The following ARMC9 variants were observed in gnomAD, a reference collection of about 807,000 sequenced individuals.
ARMC9 encodes the protein lisH domain-containing protein ARMC9.
In ARMC9, 94 loss-of-function variants were observed where a neutral mutation model predicts 107.0. That is an observed-to-expected ratio of 0.88 (90% CI 0.74 to 1.04). The LOEUF (loss-of-function observed/expected upper bound fraction) is 1.04, where lower values mean the gene tolerates loss of function less well. Among genes scored for constraint, ARMC9 ranks in the 50% least tolerant of loss-of-function variants. The probability of loss-of-function intolerance (pLI) is 0.00; values close to 1 mark genes in which losing one functional copy is unlikely to be tolerated. For missense variants in ARMC9, 942 were observed against 1,030.1 expected (o/e 0.91, Z 1.17); for synonymous variants, 380 against 396.9 (o/e 0.96, Z 0.51).
chr2:231,301,781 C>CCGAA (rs1408273509), intron 19 of ARMC9, among the ~76,000 whole-genome samples: 1 of 152,068 alleles, frequency 6.6e-6, no homozygotes, highest in South Asian at 2.1e-4. Context: ...GAGTTCAAGA[C>CCGAA]CACCCTGGCC....
Position 231,332,105 on chromosome 2 carries a change from T to C in ARMC9, c.1878+208T>C, listed in dbSNP as rs567432484. ...TGTCACAAGTAGACAGGTGTACGGA[T>C]TGGGGAAAGATATAACTAGAAGGCA... On this transcript the variant is annotated intron_variant, in intron 20 of 24. Transcript: ENST00000611582. Among the ~76,000 whole-genome samples, 15 of 152,284 alleles carry C rather than the reference T, an allele frequency of 9.9e-5. No homozygotes were observed. In the East Asian group the frequency reaches 2.3e-3, roughly 24 times the overall value.
chr2:231,332,191 A>G (rs772412324), intron 20 of ARMC9, among the ~76,000 whole-genome samples: 41 of 152,334 alleles, frequency 2.7e-4, no homozygotes, highest in South Asian at 2.5e-3. Flanking sequence ...ATTGCCTACC[A>G]TCCCACTTTT....
At chr2:231,340,431 T>C (rs1336228913) in intron 20 of ARMC9, among the ~76,000 whole-genome samples, 2 of 152,240 alleles carry the variant, frequency 1.3e-5, no homozygotes, top group African/African-American at 4.8e-5. Flanking sequence ...CTGCCACCCC[T>C]TAACTGTAAC....
intron 11 of ARMC9, among the ~76,000 whole-genome samples, chr2:231,261,903 A>G (rs1574848927): frequency 6.6e-6 from 1 of 150,850 alleles, no homozygotes; most frequent in Non-Finnish European, 1.5e-5. Context: ...GCTCACTGCA[A>G]CCTCCGACTC....
chr2:231,227,355 G>A (rs2034743952), intron 7 of ARMC9, among the ~76,000 whole-genome samples: 1 of 152,198 alleles, frequency 6.6e-6, no homozygotes, highest in Non-Finnish European at 1.5e-5. Flanking sequence ...ATATGAAGTT[G>A]GTGGCCCCAG....
intron 20 of ARMC9, among the ~76,000 whole-genome samples, chr2:231,335,376 G>A (rs182214973): frequency 6.6e-6 from 1 of 152,296 alleles, no homozygotes; most frequent in East Asian, 1.9e-4. Context: ...TAAGGGTGGA[G>A]GTGCGACTGG....
At chr2:231,363,252 T>C (rs895218919) in intron 23 of ARMC9, among the ~76,000 whole-genome samples, 5 of 152,218 alleles carry the variant, frequency 3.3e-5, no homozygotes, top group Admixed American at 2.6e-4. Context: ...AGAGTGGTTC[T>C]CTATGTGGCT....
At chr2:231,263,447 T>C (rs533047134) in intron 12 of ARMC9, among the ~76,000 whole-genome samples, 2 of 152,284 alleles carry the variant, frequency 1.3e-5, no homozygotes, top group Admixed American at 1.3e-4. Flanking sequence ...AGTCAGAGAA[T>C]GGGGGTCGAA....
At chr2:231,314,066 C>CTTTTTTTTT (rs1302812868) in intron 19 of ARMC9, among the ~76,000 whole-genome samples, 1 of 131,494 alleles carries the variant, frequency 7.6e-6, no homozygotes, top group African/African-American at 2.8e-5. Context: ...GCCATCTTTT[C>CTTTTTTTTT]TTTTTTTTTT....
At chr2:231,301,185 CTTG>C (rs2041703899) in intron 19 of ARMC9, among the ~76,000 whole-genome samples, 1 of 152,170 alleles carries the variant, frequency 6.6e-6, no homozygotes, top group Admixed American at 6.5e-5. Context: ...GCCTTTTTCT[CTTG>C]TTAATGTTTC....
intron 17 of ARMC9, among the ~76,000 whole-genome samples, chr2:231,286,556 T>C (rs1030208319): frequency 6.6e-6 from 1 of 152,230 alleles, no homozygotes; most frequent in Non-Finnish European, 1.5e-5. Flanking sequence ...GCTCTATGCA[T>C]GACAATGCTC....
intron 17 of ARMC9, among the ~76,000 whole-genome samples, chr2:231,285,658 G>A (rs2040539116): frequency 6.9e-6 from 1 of 145,514 alleles, no homozygotes; most frequent in Non-Finnish European, 1.5e-5. Context: ...AAAAAAAAAA[G>A]ACGTAAGTAG....
chr2:231,361,085 A>G (rs1032530066), intron 23 of ARMC9, among the ~76,000 whole-genome samples: 1 of 152,242 alleles, frequency 6.6e-6, no homozygotes, highest in African/African-American at 2.4e-5. Flanking sequence ...GTGCTGCCTG[A>G]GAGCCATCAG....
In ARMC9 at chr2:231,371,573, C is replaced by T. The variant is rs1289452028; in HGVS notation, c.*38C>T. ...GTGTCCCCATCACGTTGCCGGAGGACCAGCCAGCTTCCCGCTCTCAGCTGG... is the reference window on the plus strand; with the variant it reads ...GTGTCCCCATCACGTTGCCGGAGGATCAGCCAGCTTCCCGCTCTCAGCTGG... On this transcript the variant is annotated 3_prime_UTR_variant, in exon 25 of 25. Coordinates refer to ENST00000611582, the MANE Select transcript of ARMC9 (RefSeq NM_001352754.2). The T allele has an allele frequency of 8.1e-6, 10 of 1,234,572 alleles. No individual in the cohort carries two copies. Among genetic ancestry groups the T allele is most frequent in the African/African-American group, 4.7e-5 (3 of 64,512 alleles). 76.5% of individuals were successfully genotyped at this position (1,234,572 alleles called of 1,614,324 possible).
intron 5 of ARMC9, among the ~76,000 whole-genome samples, chr2:231,220,455 G>A (rs2033999631): frequency 6.6e-6 from 1 of 151,796 alleles, no homozygotes; most frequent in African/African-American, 2.4e-5. Context: ...AAATTAGCTG[G>A]GCATGGTGGC....
At chr2:231,272,004 A>G (rs888685149) in intron 13 of ARMC9, among the ~76,000 whole-genome samples, 5 of 151,834 alleles carry the variant, frequency 3.3e-5, no homozygotes, top group East Asian at 1.9e-4. Context: ...GATTTCATGG[A>G]AAAAAAAGGA....
chr2:231,373,107 GGAA>G lies in ARMC9; in HGVS notation c.*1577_*1579del, dbSNP rs1197929570. 1.3e-5 allele frequency: 2 copies of G among 152,262 alleles called. No individual in the cohort carries two copies. Among genetic ancestry groups the G allele is most frequent in the African/African-American group, 4.8e-5 (2 of 41,450 alleles). The allele number at this position is 152,262 out of a possible 1,614,324, so 9.4% of individuals were successfully genotyped here. A position where few individuals can be genotyped will look rare whatever the true frequency, so the allele number is the denominator to read the frequency against. On this transcript the variant is annotated 3_prime_UTR_variant, in exon 25 of 25. Transcript: ENST00000611582. This position sits in a 1 kb window ranked among gnomAD's most constrained non-coding sequence, Gnocchi z 4.4. ...GGAAATGTGTCCACTCTGTGCTCAG[GGAA>G]GAAGGCTGCCGTCCTGACCTGTCAG...
At chr2:231,218,585 G>A (rs377159827) in intron 5 of ARMC9, among the ~76,000 whole-genome samples, 34 of 152,184 alleles carry the variant, frequency 2.2e-4, no homozygotes, top group African/African-American at 8.2e-4. Flanking sequence ...GACTCACTCA[G>A]ATTTGGTGTT....
intron 11 of ARMC9, among the ~76,000 whole-genome samples, chr2:231,259,838 C>A (rs890141173): frequency 6.6e-6 from 1 of 151,672 alleles, no homozygotes; most frequent in African/African-American, 2.4e-5. Flanking sequence ...ACTAAAAATA[C>A]AAAAAAAATT....
Sources: gnomAD v4.1 joint callset for allele counts (sites outside exome capture counted in the v4.1 genomes callset) on GRCh38, gnomAD v4.1.1 for gene constraint, Gnocchi (gnomAD v3.1) non-coding constraint, MANE v1.5 for transcripts, NCBI Gene and HGNC (gene_info 2026-07-23, HGNC 2026-07-21) for gene names.